PRKG1: variants seen among roughly 807,000 people sequenced by gnomAD.
The protein encoded by PRKG1 is protein kinase cGMP-dependent 1.
Under a neutral mutation model 88.1 loss-of-function variants are expected in PRKG1, and 35 were observed. The ratio of observed to expected loss-of-function variants is 0.40; its 90% confidence interval spans 0.30 to 0.53. The LOEUF (loss-of-function observed/expected upper bound fraction) is 0.53. PRKG1 is among the 20% of genes least tolerant of loss of function. PRKG1 has a pLI of 0.59. For missense variants in PRKG1, 540 were observed against 839.8 expected (o/e 0.64, Z 4.41); for synonymous variants, 303 against 292.5 (o/e 1.04, Z -0.37).
chr10:51,123,440 C>T (rs1350717547), intron 1 of PRKG1, among the ~76,000 whole-genome samples: 2 of 152,222 alleles, frequency 1.3e-5, no homozygotes, highest in East Asian at 3.9e-4. Flanking sequence ...AATCCCAGCA[C>T]TTTGAGAGGC....
At chr10:51,284,034 A>G (rs1256431175) in intron 2 of PRKG1, among the ~76,000 whole-genome samples, 1 of 152,228 alleles carries the variant, frequency 6.6e-6, no homozygotes, top group Non-Finnish European at 1.5e-5. Flanking sequence ...ATACTGAGAC[A>G]TGAAGAAAGA....
chr10:52,010,442 A>T (rs1227222658), intron 5 of PRKG1, among the ~76,000 whole-genome samples: 1 of 152,162 alleles, frequency 6.6e-6, no homozygotes, highest in African/African-American at 2.4e-5. Context: ...CAATACGCAT[A>T]TAAAAAATGC....
chr10:51,405,332 C>T (rs1156341750), intron 2 of PRKG1, among the ~76,000 whole-genome samples: 2 of 152,162 alleles, frequency 1.3e-5, no homozygotes, highest in East Asian at 3.9e-4. Flanking sequence ...TTACATGAGG[C>T]CTTTTCTTCC....
rs1413978605 is a variant in PRKG1, at chr10:51,267,800, G to A, written c.478+114470G>A. ...AGCAAATGCAAACATAAATGATTGG[G>A]ACCTAATTAAAATAAAAAGCTTCTG... On this transcript the variant is annotated intron_variant, in intron 2 of 17. Coordinates refer to ENST00000373980, the MANE Select transcript of PRKG1 (RefSeq NM_006258.4). Among the ~76,000 whole-genome samples, 8 of 152,190 alleles carry A rather than the reference G, an allele frequency of 5.3e-5. No individual in the cohort carries two copies. The East Asian group carries it at 1.5e-3, about 29-fold the overall frequency.
At chr10:51,692,525 G>A (rs1841171176) in intron 3 of PRKG1, among the ~76,000 whole-genome samples, 1 of 152,122 alleles carries the variant, frequency 6.6e-6, no homozygotes, top group African/African-American at 2.4e-5. Flanking sequence ...TTACAGGCAT[G>A]AGCCACCACG....
At chr10:51,236,622 C>T (rs1838997739) in intron 2 of PRKG1, among the ~76,000 whole-genome samples, 1 of 151,938 alleles carries the variant, frequency 6.6e-6, no homozygotes, top group Non-Finnish European at 1.5e-5. Context: ...CCTGGCTCAG[C>T]CTCCCGAGCA....
intron 2 of PRKG1, among the ~76,000 whole-genome samples, chr10:51,238,327 TCCCAGCA>T (rs1373895076): frequency 6.6e-6 from 1 of 152,180 alleles, no homozygotes; most frequent in Non-Finnish European, 1.5e-5. Flanking sequence ...ACGCCTATAA[TCCCAGCA>T]CTTTGAGAGG....
At chr10:51,945,206 G>T (rs1342156067) in intron 5 of PRKG1, among the ~76,000 whole-genome samples, 1 of 148,458 alleles carries the variant, frequency 6.7e-6, no homozygotes, top group African/African-American at 2.5e-5. Context: ...TTACCATTAT[G>T]TAATGGCCTT....
chr10:51,907,658 A>ACTTACTTTCAT, intron 5 of PRKG1, 88 bp downstream of exon 5: 1 of 1,170,264 alleles, frequency 8.5e-7, no homozygotes. Context: ...AGGAATCACA[A>ACTTACTTTCAT]ACTGCAGAGA....
intron 1 of PRKG1, among the ~76,000 whole-genome samples, chr10:51,055,529 C>T (rs553819781): frequency 5.0e-4 from 76 of 151,518 alleles, no homozygotes; most frequent in East Asian, 4.3e-3. Context: ...GTCAGGAGAT[C>T]GAGACCATCC....
At chr10:51,576,712 T>A (rs1837896953) in intron 3 of PRKG1, among the ~76,000 whole-genome samples, 1 of 152,004 alleles carries the variant, frequency 6.6e-6, no homozygotes, top group Non-Finnish European at 1.5e-5. Context: ...TAAGTGTTAT[T>A]TTCAAAATTA....
chr10:51,466,963 A>G (rs1839922402), intron 2 of PRKG1, among the ~76,000 whole-genome samples: 1 of 152,102 alleles, frequency 6.6e-6, no homozygotes, highest in Non-Finnish European at 1.5e-5. Flanking sequence ...GTGTTAGGCC[A>G]TGAAATTCTT....
At chr10:51,778,867 A>G (rs1441726316) in intron 3 of PRKG1, among the ~76,000 whole-genome samples, 1 of 152,158 alleles carries the variant, frequency 6.6e-6, no homozygotes, top group Non-Finnish European at 1.5e-5. Flanking sequence ...AGAAATCCCT[A>G]CATATTTTGA....
intron 1 of PRKG1, among the ~76,000 whole-genome samples, chr10:51,050,753 GGCT>G (rs1843550495): frequency 6.6e-6 from 1 of 151,980 alleles, no homozygotes; most frequent in Non-Finnish European, 1.5e-5. Context: ...TCTTTATAGT[GGCT>G]GCACCAGTTT....
chr10:52,177,077 G>A (rs926406435), intron 9 of PRKG1, among the ~76,000 whole-genome samples: 1 of 152,012 alleles, frequency 6.6e-6, no homozygotes, highest in African/African-American at 2.4e-5. Flanking sequence ...GTGAGGTTGA[G>A]TATCCTTGTC....
chr10:52,024,331 CT>C (rs201022891), intron 5 of PRKG1, among the ~76,000 whole-genome samples: 8,537 of 132,032 alleles, frequency 0.065, 501 homozygotes, highest in African/African-American at 0.16. Context: ...TTTTTTTATT[CT>C]TTTTTTTATT....
intron 2 of PRKG1, among the ~76,000 whole-genome samples, chr10:51,400,191 G>A (rs1196603821): frequency 2.0e-5 from 3 of 152,200 alleles, no homozygotes; most frequent in South Asian, 2.1e-4. Context: ...GACAGACAAC[G>A]TATTTTCTCT....
In PRKG1 at chr10:52,207,250, T is replaced by C. The variant is rs181743596; in HGVS notation, c.1077-44320T>C. Among the ~76,000 whole-genome samples the C allele has an allele frequency of 2.2e-3, 340 of 151,692 alleles. 1 individual carries two copies. Among genetic ancestry groups the C allele is most frequent in the African/African-American group, 7.2e-3 (298 of 41,346 alleles). On this transcript the variant is annotated intron_variant, in intron 9 of 17. Transcript: ENST00000373980. ...TGCTAGCAGAGCAGGAGCGGGAGGA[T>C]GCTGTGTGGAGAGGCTGTATGCAGG...
chr10:51,186,272 TA>T (rs1454820644), intron 2 of PRKG1, among the ~76,000 whole-genome samples: 1 of 151,882 alleles, frequency 6.6e-6, no homozygotes, highest in Non-Finnish European at 1.5e-5. Context: ...TAATTTTATT[TA>T]TTTTTATATT....
Sources: allele counts gnomAD v4.1 joint callset (sites outside exome capture counted in the v4.1 genomes callset), GRCh38; gene constraint gnomAD v4.1.1; transcripts MANE v1.5; gene names NCBI Gene and HGNC (gene_info 2026-07-23, HGNC 2026-07-21).